The following BAZ1B variants were observed in gnomAD, a reference collection of about 807,000 sequenced individuals.
BAZ1B encodes bromodomain adjacent to zinc finger domain 1B.
In BAZ1B, 22 loss-of-function variants were observed where a neutral mutation model predicts 153.8. The observed-to-expected ratio is 0.14, with a 90% CI of 0.10 to 0.20. The LOEUF (loss-of-function observed/expected upper bound fraction) is 0.20. BAZ1B is among the 10% of genes least tolerant of loss of function. BAZ1B has a pLI of 1.00. For missense variants in BAZ1B, 1,325 were observed against 1,799.3 expected, an observed-to-expected ratio of 0.74 and a Z score of 4.77; for synonymous variants, 676 against 633.4, an observed-to-expected ratio of 1.07 and a Z score of -1.01.
At chr7:73,462,508 A>G (rs1239747384) in intron 12 of BAZ1B, 3 of 240,640 alleles carry the variant, frequency 1.2e-5, no homozygotes, top group Non-Finnish European at 2.4e-5. Context: ...ACTGGACAAC[A>G]TGAGTGATGC....
At chr7:73,518,460 C>A (rs1790901462) in intron 1 of BAZ1B, among the ~76,000 whole-genome samples, 1 of 151,798 alleles carries the variant, frequency 6.6e-6, no homozygotes. Flanking sequence ...AAATAAAAAT[C>A]AACGTAAGAG....
At chr7:73,513,382 GA>G (rs1327064875) in intron 1 of BAZ1B, among the ~76,000 whole-genome samples, 3 of 152,192 alleles carry the variant, frequency 2.0e-5, no homozygotes, top group African/African-American at 7.2e-5. Flanking sequence ...GCTCATTGTG[GA>G]TCTTTCCCCA....
intron 16 of BAZ1B, among the ~76,000 whole-genome samples, chr7:73,444,883 A>C (rs1554566109): frequency 6.6e-6 from 1 of 152,112 alleles, no homozygotes; most frequent in Non-Finnish European, 1.5e-5. Context: ...GCGTGGTGGC[A>C]CATGCTGGTA....
Position 73,440,935 on chromosome 7 carries a change from A to G in BAZ1B, c.*774T>C, listed in dbSNP as rs1343116111. The stretch of plus-strand genomic sequence containing the variant: ...AAGAAGACTACAAAGTTTTGCCTAA[A>G]TATAACAACTAGAGCTAGATTTGTT... On this transcript the variant is annotated 3_prime_UTR_variant, in exon 20 of 20. Coordinates refer to ENST00000339594, the MANE Select transcript of BAZ1B (RefSeq NM_032408.4). The G allele has an allele frequency of 6.5e-6, 1 of 152,672 alleles. No individual in the cohort carries two copies. Among genetic ancestry groups the G allele is most frequent in the Non-Finnish European group, 1.5e-5 (1 of 68,030 alleles). The allele number at this position is 152,672 out of a possible 1,614,324, so 9.5% of individuals were successfully genotyped here.
chr7:73,521,864 T>C lies in BAZ1B; in HGVS notation c.70A>G (p.Thr24Ala). ...AAGGCCTCCTGAGTGTGCGGGATGGTGAAGAGCGGCTCCTCTCCGGGCAAC... is the reference window on the plus strand; with the variant it reads ...AAGGCCTCCTGAGTGTGCGGGATGGCGAAGAGCGGCTCCTCTCCGGGCAAC... Reference protein sequence around the residue: ...KPLPGEEPLFTIPHTQEAFRT... With the variant: ...KPLPGEEPLFAIPHTQEAFRT... Residue 24 changes from threonine to alanine, a missense_variant, in exon 1 of 20, where the codon ACC becomes GCC. By Grantham distance (58) the Thr-to-Ala change is moderately conservative (BLOSUM62 0). Transcript: ENST00000339594. The C allele has an allele frequency of 2.7e-6, 4 of 1,508,914 alleles. No homozygotes were observed. Among genetic ancestry groups the C allele is most frequent in the Middle Eastern group, 1.7e-4 (1 of 5,794 alleles). 93.5% of individuals were successfully genotyped at this position (1,508,914 alleles called of 1,614,324 possible).
intron 3 of BAZ1B, among the ~76,000 whole-genome samples, chr7:73,499,112 G>A (rs1162523416): frequency 2.6e-5 from 4 of 151,570 alleles, no homozygotes; most frequent in Admixed American, 6.6e-5. Flanking sequence ...TGCAACCTCC[G>A]CTTCCTGGGT....
intron 9 of BAZ1B, among the ~76,000 whole-genome samples, chr7:73,467,191 C>T (rs1177931776): frequency 1.4e-4 from 21 of 151,994 alleles, no homozygotes; most frequent in Non-Finnish European, 2.8e-4. Context: ...CCTTGGCCTC[C>T]CAAGTGCTGG....
At chr7:73,492,620 G>A (rs1206389063) in intron 5 of BAZ1B, among the ~76,000 whole-genome samples, 180 bp downstream of exon 5, 1 of 152,122 alleles carries the variant, frequency 6.6e-6, no homozygotes, top group African/African-American at 2.4e-5. Flanking sequence ...GTATCTTCTA[G>A]GAAAGAAAAT....
chr7:73,493,021 A>T, intron 4 of BAZ1B, 100 bp from the exon 5 acceptor site: 1 of 1,268,384 alleles, frequency 7.9e-7, no homozygotes, highest in East Asian at 2.4e-5. Flanking sequence ...TTCACTAGGC[A>T]CTGGGTGATG....
Position 73,442,747 on chromosome 7 carries a change from A to G in BAZ1B, c.4072T>C (p.Tyr1358His). 1 of 1,614,130 alleles carries G rather than the reference A, an allele frequency of 6.2e-7. No individual in the cohort carries two copies. Among genetic ancestry groups the G allele is most frequent in the South Asian group, 1.1e-5 (1 of 91,084 alleles). Residue 1358 changes from tyrosine (Y) to histidine (H), a missense_variant, in exon 18 of 20, where the codon TAC becomes CAC. By Grantham distance (83) the Tyr-to-His change is moderately conservative. Around this residue, in one of 9 missense-constraint regions of BAZ1B, gnomAD observed 271 missense variants for 337.2 expected, o/e 0.80. Coordinates refer to ENST00000339594, the MANE Select transcript of BAZ1B (RefSeq NM_032408.4). Reference protein sequence around the residue: ...CEEILHKIVKYRFSWPFREPV... With the variant: ...CEEILHKIVKHRFSWPFREPV... ...CACCTGAAGGGCCAGCTGAAGCGGT[A>G]CTTCACGATCTTGTGGAGGATCTCT...
intron 13 of BAZ1B, among the ~76,000 whole-genome samples, chr7:73,456,911 C>A (rs1376168187): frequency 1.6e-5 from 2 of 125,378 alleles, no homozygotes; most frequent in African/African-American, 6.1e-5. Context: ...CACTGTACTC[C>A]GGCCTCGGCG....
chr7:73,493,933 T>C (rs1414106115), intron 4 of BAZ1B, among the ~76,000 whole-genome samples: 1 of 151,700 alleles, frequency 6.6e-6, no homozygotes, highest in African/African-American at 2.4e-5. Context: ...AAATATGATG[T>C]ATACTACAGT....
At chr7:73,500,145 T>G (rs1790067623) in intron 3 of BAZ1B, among the ~76,000 whole-genome samples, 1 of 152,188 alleles carries the variant, frequency 6.6e-6, no homozygotes, top group African/African-American at 2.4e-5. Flanking sequence ...TTTAGATTAC[T>G]TATGTTTAAT....
In BAZ1B at chr7:73,512,941, G is replaced by C. The variant is rs1554578790; in HGVS notation, c.108-2089C>G. 4.6e-5 allele frequency among the ~76,000 whole-genome samples: 7 copies of C among 152,162 alleles called. No homozygotes were observed. In the East Asian group the frequency reaches 1.2e-3, roughly 25 times the overall value. ...TTACAGACTTACACTGCAGCATCTAGCTCATTTTTATCTATTTATGTATTT... is the reference window on the plus strand; with the variant it reads ...TTACAGACTTACACTGCAGCATCTACCTCATTTTTATCTATTTATGTATTT... On this transcript the variant is annotated intron_variant, in intron 1 of 19. Coordinates refer to ENST00000339594, the MANE Select transcript of BAZ1B (RefSeq NM_032408.4).
In BAZ1B at chr7:73,442,465, A is replaced by G. The variant is rs782173493; in HGVS notation, c.4183T>C (p.Cys1395Arg). ...TCCTGCACAGAGCGGTAGCTCCCAC[A>G]GGAACATTTGTTCTGCACTGTCTGA... ...DFQTVQNKCSCGSYRSVQEFL... is the reference protein window; with the variant it reads ...DFQTVQNKCSRGSYRSVQEFL... Residue 1395 changes from cysteine (C) to arginine (R), a missense_variant, in exon 19 of 20, where the codon TGT (cysteine) becomes CGT (arginine). By Grantham distance (180) the Cys-to-Arg change is radical. This residue lies in a region of BAZ1B where 271 missense variants were observed against 337.2 expected (regional missense o/e 0.80). Transcript: ENST00000339594. 1.2e-6 allele frequency: 2 copies of G among 1,614,240 alleles called. No individual in the cohort carries two copies. Among genetic ancestry groups the G allele is most frequent in the Non-Finnish European group, 1.7e-6 (2 of 1,180,044 alleles).
intron 7 of BAZ1B, among the ~76,000 whole-genome samples, chr7:73,475,475 G>A (rs1271255398): frequency 6.6e-6 from 1 of 152,198 alleles, no homozygotes; most frequent in East Asian, 1.9e-4. Flanking sequence ...CCATAAAAAG[G>A]CTACATATTA....
Position 73,449,806 on chromosome 7 carries a change from T to A in BAZ1B, c.3581-117A>T, listed in dbSNP as rs1225174968. 3 of 1,113,094 alleles carry A rather than the reference T, an allele frequency of 2.7e-6. No homozygotes were observed. In the Admixed American group the frequency reaches 9.3e-5, roughly 34 times the overall value. The allele number at this position is 1,113,094 out of a possible 1,614,324, so 69.0% of individuals were successfully genotyped here. A position where few individuals can be genotyped will look rare whatever the true frequency, so the allele number is the denominator to read the frequency against. Reference sequence around the variant, plus strand: ...ACACGAGGAGACATGTTCCATAGAATGCTACCCAGTTGTTGCTTTGTAAAT... The same window carrying A: ...ACACGAGGAGACATGTTCCATAGAAAGCTACCCAGTTGTTGCTTTGTAAAT... On this transcript the variant is annotated intron_variant, in intron 14 of 19. Coordinates refer to ENST00000339594, the MANE Select transcript of BAZ1B (RefSeq NM_032408.4).
chr7:73,453,713 G>A (rs549290002), intron 13 of BAZ1B, among the ~76,000 whole-genome samples: 20 of 152,292 alleles, frequency 1.3e-4, no homozygotes, highest in African/African-American at 4.3e-4. Context: ...GGCCAGATGC[G>A]GTGGCTCCTG....
At chr7:73,464,518 C>A (rs1563372430) in intron 11 of BAZ1B, among the ~76,000 whole-genome samples, 1 of 152,122 alleles carries the variant, frequency 6.6e-6, no homozygotes, top group East Asian at 1.9e-4. Context: ...CTCTGGCAAC[C>A]ACTAATCCAC....
Sources: allele counts gnomAD v4.1 joint callset (sites outside exome capture counted in the v4.1 genomes callset), GRCh38; gene constraint gnomAD v4.1.1; regional missense constraint gnomAD v4.1.1; transcripts MANE v1.5; gene names NCBI Gene and HGNC (gene_info 2026-07-23, HGNC 2026-07-21).